TSKS: variants seen among roughly 807,000 people sequenced by gnomAD.
The protein encoded by TSKS is testis-specific serine kinase substrate.
Under a neutral mutation model 68.0 loss-of-function variants are expected in TSKS, and 27 were observed. The observed-to-expected ratio is 0.40, with a 90% CI of 0.29 to 0.55. The LOEUF (loss-of-function observed/expected upper bound fraction) is 0.55. TSKS is among the 20% of genes least tolerant of loss of function. The probability of loss-of-function intolerance (pLI) is 0.53; values close to 1 mark genes in which losing one functional copy is unlikely to be tolerated. For synonymous variants in TSKS, 331 were observed against 340.4 expected, an observed-to-expected ratio of 0.97 and a Z score of 0.30; for missense variants, 806 against 776.0, an observed-to-expected ratio of 1.04 and a Z score of -0.46.
At chr19:49,749,669 G>C (rs1408671423) in intron 2 of TSKS, among the ~76,000 whole-genome samples, 1 of 152,122 alleles carries the variant, frequency 6.6e-6, no homozygotes, top group African/African-American at 2.4e-5. Context: ...ACCCTGGCTG[G>C]TGTGGAGCGG....
intron 3 of TSKS, 35 bp downstream of exon 3, chr19:49,748,339 G>A: frequency 6.3e-7 from 1 of 1,597,362 alleles, no homozygotes; most frequent in Non-Finnish European, 8.6e-7. Flanking sequence ...GGCCCTGGAG[G>A]AAGGGCAGGT....
In TSKS at chr19:49,745,294, G is replaced by T; in HGVS notation, c.1095C>A (p.Phe365Leu). 1 of 1,605,878 alleles carries T rather than the reference G, an allele frequency of 6.2e-7. No homozygotes were observed. Among genetic ancestry groups the T allele is most frequent in the Non-Finnish European group, 8.5e-7 (1 of 1,179,602 alleles). Residue 365 changes from phenylalanine (F) to leucine (L), a missense_variant, in exon 7 of 11, where the codon TTC (phenylalanine) becomes TTA (leucine). Phe to Leu is a conservative substitution (Grantham distance 22, BLOSUM62 0). Transcript: ENST00000246801. ...LGGLGGRVDG[F>L]LGQWERAQRE... ...GCTGTGCCCGCTCCCACTGGCCTAG[G>T]AAGCCGTCGACCCTGCCGCCCAGGC...
intron 2 of TSKS, among the ~76,000 whole-genome samples, chr19:49,757,262 A>G (rs1445979555): frequency 1.3e-5 from 2 of 152,116 alleles, no homozygotes; most frequent in South Asian, 2.1e-4. Context: ...TGGTAGCACA[A>G]CCTCTGGCCC....
At chr19:49,745,049 C>G (rs1216549934) in intron 7 of TSKS, among the ~76,000 whole-genome samples, 153 bp downstream of exon 7, 1 of 152,306 alleles carries the variant, frequency 6.6e-6, no homozygotes, top group Middle Eastern at 3.4e-3. Context: ...TGCAACCCTT[C>G]CTGCTCTCTA....
In TSKS at chr19:49,739,781, G is replaced by T; in HGVS notation, c.1774C>A (p.Gln592Lys). The change falls in exon 11 of 11, where the codon CAA (glutamine) becomes AAA (lysine). Residue 592 changes from glutamine to lysine, a missense_variant. Coordinates refer to ENST00000246801, the MANE Select transcript of TSKS (RefSeq NM_021733.2). ...ATGCTAGCATGAGAGGCCATTTATT[G>T]TTCAGGGGCTGAGCCCCCCTGTTTT... ...PPKQGGSAPE[Q>K] The T allele has an allele frequency of 7.1e-7, 1 of 1,417,986 alleles. No homozygotes were observed. The highest frequency in any genetic ancestry group is 9.9e-7 in the Non-Finnish European group (1 of 1,008,714). The allele number at this position is 1,417,986 out of a possible 1,614,324, so 87.8% of individuals were successfully genotyped here.
chr19:49,758,821 C>T (rs779160972), intron 2 of TSKS, among the ~76,000 whole-genome samples: 2 of 152,008 alleles, frequency 1.3e-5, no homozygotes, highest in Non-Finnish European at 2.9e-5. Flanking sequence ...CCAACCTTGA[C>T]CTTGTGGAGG....
At chr19:49,750,063 G>T (rs1180794297) in intron 2 of TSKS, among the ~76,000 whole-genome samples, 1 of 151,888 alleles carries the variant, frequency 6.6e-6, no homozygotes, top group Non-Finnish European at 1.5e-5. Context: ...ACAATTGAGG[G>T]CTGTCTTGGA....
rs1568568234 is a variant in TSKS at position 49,761,996 on chromosome 19, GC to G, written c.399+7del. The G allele has an allele frequency of 1.9e-6, 3 of 1,604,644 alleles. No homozygotes were observed. The Admixed American group carries it at 5.0e-5, about 27-fold the overall frequency. ...TCCTCCCCAGCGGGTGGTGTGGAGG[GC>G]CCTCACCAGGATTTCCGTGATGTCT... is the stretch of plus-strand genomic sequence containing the variant. On this transcript the variant is annotated splice_region_variant and intron_variant, in intron 2 of 10. Transcript: ENST00000246801.
At chr19:49,755,925 T>C (rs1425934525) in intron 2 of TSKS, among the ~76,000 whole-genome samples, 1 of 151,830 alleles carries the variant, frequency 6.6e-6, no homozygotes, top group Non-Finnish European at 1.5e-5. Context: ...CGCTTGAACC[T>C]GGGAGGCGGA....
intron 4 of TSKS, among the ~76,000 whole-genome samples, chr19:49,747,822 C>T (rs745501455): frequency 1.8e-4 from 27 of 152,210 alleles, no homozygotes; most frequent in Non-Finnish European, 3.5e-4. Flanking sequence ...AATTCTTCTG[C>T]CTCAGCCTCC....
chr19:49,747,603 T>A (rs2084313950), intron 4 of TSKS, 131 bp from the exon 5 acceptor site: 2 of 883,670 alleles, frequency 2.3e-6, no homozygotes, highest in Admixed American at 4.5e-5. Flanking sequence ...ACCAGCTCAT[T>A]TCCTTGGCTA....
At chr19:49,750,260 TTC>T (rs1454370699) in intron 2 of TSKS, among the ~76,000 whole-genome samples, 1 of 134,872 alleles carries the variant, frequency 7.4e-6, no homozygotes, top group Non-Finnish European at 1.5e-5. Flanking sequence ...ATCATTGACA[TTC>T]TTTTTTTTTT....
rs115701192 is a variant in TSKS, at chr19:49,741,817, C to T, written c.1497+68G>A. Reference sequence around the variant, plus strand: ...CACACACCAGCAGTACCCTTGAGTCCGGGGTTCCCCTCCCCTTGCCCCAAC... The same window carrying T: ...CACACACCAGCAGTACCCTTGAGTCTGGGGTTCCCCTCCCCTTGCCCCAAC... On this transcript the variant is annotated intron_variant, in intron 9 of 10. Transcript: ENST00000246801. 2,262 of 1,606,340 alleles carry T rather than the reference C, an allele frequency of 1.4e-3. 30 individuals carry two copies. The African/African-American group carries it at 0.027, about 19-fold the overall frequency.
Position 49,763,133 on chromosome 19 carries a change from C to T in TSKS, c.115G>A (p.Val39Met), listed in dbSNP as rs1391232012. 1.9e-6 allele frequency: 3 copies of T among 1,611,956 alleles called. No homozygotes were observed. The highest frequency in any genetic ancestry group is 1.3e-5 in the African/African-American group (1 of 74,772). ...GGGATCCCCTTGGCCCGGCTGGTCA[C>T]CCTCCGGGGAGCCTCTGGGACTAGC... ...SQLVPEAPRR[V>M]TSRAKGIPKK... The change falls in exon 1 of 11, where the codon GTG becomes ATG. Residue 39 changes from valine (V) to methionine (M), a missense_variant. Physicochemically the swap from Val to Met is conservative, Grantham distance 21. Transcript: ENST00000246801. This position sits in a 1 kb window ranked among gnomAD's most constrained non-coding sequence, Gnocchi z 4.5.
chr19:49,753,302 C>T (rs1461993021), intron 2 of TSKS, among the ~76,000 whole-genome samples: 1 of 152,036 alleles, frequency 6.6e-6, no homozygotes, highest in African/African-American at 2.4e-5. Context: ...TTGGCTCATG[C>T]CTGTAATCCC....
chr19:49,759,455 G>A (rs1183548390), intron 2 of TSKS, among the ~76,000 whole-genome samples: 6 of 139,998 alleles, frequency 4.3e-5, no homozygotes, highest in South Asian at 4.6e-4. Context: ...GCAACAGAGC[G>A]AGACTCCATT....
chr19:49,762,091 G>A lies in TSKS; in HGVS notation c.312C>T (p.Asp104=), dbSNP rs145250858. ...DSTGTDSTVE[D]LSGQLTLAGP... ...CAGCCAGTGTGAGTTGGCCGCTGAG[G>A]TCTTCCACTGTGGAGTCTGTCCCCG... The change falls in exon 2 of 11, where the codon GAC becomes GAT. Residue 104 remains aspartate (D), a synonymous_variant. Transcript: ENST00000246801. 34 of 1,614,170 alleles carry A rather than the reference G, an allele frequency of 2.1e-5. No homozygotes were observed. The African/African-American group carries it at 2.3e-4, about 11-fold the overall frequency.
chr19:49,742,916 C>T (rs1012241781), intron 8 of TSKS, among the ~76,000 whole-genome samples: 2 of 152,082 alleles, frequency 1.3e-5, no homozygotes, highest in Non-Finnish European at 2.9e-5. Flanking sequence ...GTCCCCCTTT[C>T]CTACAATGGA....
At chr19:49,754,741 T>C (rs577101150) in intron 2 of TSKS, among the ~76,000 whole-genome samples, 6 of 152,218 alleles carry the variant, frequency 3.9e-5, no homozygotes, top group Non-Finnish European at 5.9e-5. Flanking sequence ...GAGAGAATAA[T>C]GTCTCACCAA....
Sources: allele counts gnomAD v4.1 joint callset (sites outside exome capture counted in the v4.1 genomes callset), GRCh38; gene constraint gnomAD v4.1.1; non-coding constraint Gnocchi (gnomAD v3.1); transcripts MANE v1.5; gene names NCBI Gene and HGNC (gene_info 2026-07-23, HGNC 2026-07-21).